Variants in NKAIN2 observed in about 807,000 individuals in gnomAD.
The protein encoded by NKAIN2 is sodium/potassium-transporting ATPase subunit beta-1-interacting protein 2.
A neutral mutation model predicts 32.6 loss-of-function variants in NKAIN2; 14 were observed. The ratio of observed to expected loss-of-function variants is 0.43; its 90% confidence interval spans 0.28 to 0.67. NKAIN2 has a LOEUF of 0.67. NKAIN2 is among the 30% of genes least tolerant of loss of function. The pLI is 0.17. For synonymous variants in NKAIN2, 80 were observed against 87.2 expected, an observed-to-expected ratio of 0.92 and a Z score of 0.46; for missense variants, 198 against 258.3, an observed-to-expected ratio of 0.77 and a Z score of 1.60.
chr6:124,482,493 A>AGT (rs753716392), intron 3 of NKAIN2, among the ~76,000 whole-genome samples: 326 of 152,332 alleles, frequency 2.1e-3, no homozygotes, highest in Non-Finnish European at 3.7e-3. Flanking sequence ...ACCCTATGTG[A>AGT]GTGTGTGTGT....
chr6:124,148,209 C>G (rs190029130), intron 1 of NKAIN2, among the ~76,000 whole-genome samples: 22 of 152,024 alleles, frequency 1.4e-4, no homozygotes, highest in Non-Finnish European at 3.1e-4. Context: ...AGAGTTTGCA[C>G]TTTTGTGATT....
At chr6:124,212,551 T>C (rs1166080291) in intron 1 of NKAIN2, among the ~76,000 whole-genome samples, 1 of 152,050 alleles carries the variant, frequency 6.6e-6, no homozygotes, top group Non-Finnish European at 1.5e-5. Flanking sequence ...TCAGTATCAA[T>C]GAAACAAGGA....
chr6:124,608,339 G>A (rs1554233722), intron 3 of NKAIN2, among the ~76,000 whole-genome samples: 1 of 152,126 alleles, frequency 6.6e-6, no homozygotes, highest in Non-Finnish European at 1.5e-5. Context: ...CACTCCATAA[G>A]TGTTTCATAA....
At chr6:124,261,472 A>G (rs967233889) in intron 1 of NKAIN2, among the ~76,000 whole-genome samples, 2 of 152,222 alleles carry the variant, frequency 1.3e-5, no homozygotes, top group South Asian at 2.1e-4. Flanking sequence ...GAAGTATCTT[A>G]GTAACAACCT....
chr6:124,131,423 A>G lies in NKAIN2; in HGVS notation c.55-151582A>G, dbSNP rs1582703921. ...CACTTGGCCAGACAGAACAGTGTAT[A>G]GAAATTCACACTGTGAACTTTGTTC... On this transcript the variant is annotated intron_variant, in intron 1 of 6. Coordinates refer to ENST00000368417, the MANE Select transcript of NKAIN2 (RefSeq NM_001040214.3). Among the ~76,000 whole-genome samples, 4 of 152,224 alleles carry G rather than the reference A, an allele frequency of 2.6e-5. No homozygotes were observed. The South Asian group carries it at 6.2e-4, about 24-fold the overall frequency.
intron 2 of NKAIN2, among the ~76,000 whole-genome samples, chr6:124,320,314 C>G (rs1317749390): frequency 6.6e-6 from 1 of 152,122 alleles, no homozygotes; most frequent in African/African-American, 2.4e-5. Flanking sequence ...TCATTGCAGT[C>G]TTGTTCCAAA....
intron 1 of NKAIN2, among the ~76,000 whole-genome samples, chr6:123,817,433 A>C (rs1773739768): frequency 6.6e-6 from 1 of 152,152 alleles, no homozygotes; most frequent in Admixed American, 6.5e-5. Flanking sequence ...AAAGAGCTGG[A>C]AAGAGCACTT....
chr6:123,989,419 A>G (rs6901490), intron 1 of NKAIN2, among the ~76,000 whole-genome samples: 66,092 of 152,066 alleles, frequency 0.43, 15,711 homozygotes, highest in African/African-American at 0.6. Flanking sequence ...TTCCATTTCC[A>G]TCTATTTATT....
chr6:124,319,128 A>G (rs1176282882), intron 2 of NKAIN2, among the ~76,000 whole-genome samples: 1 of 152,062 alleles, frequency 6.6e-6, no homozygotes, highest in Non-Finnish European at 1.5e-5. Flanking sequence ...CCCTAGAAGG[A>G]AGTAATAAGC....
chr6:123,812,227 A>G (rs893395761), intron 1 of NKAIN2, among the ~76,000 whole-genome samples: 3 of 152,210 alleles, frequency 2.0e-5, no homozygotes, highest in Admixed American at 2.0e-4. Flanking sequence ...TAGCATTTTC[A>G]GCAATACTTT....
At chr6:124,135,577 A>G (rs541118077) in intron 1 of NKAIN2, among the ~76,000 whole-genome samples, 24 of 151,992 alleles carry the variant, frequency 1.6e-4, no homozygotes, top group African/African-American at 4.6e-4. Context: ...TCCAACAAGA[A>G]AATACCACAA....
intron 4 of NKAIN2, among the ~76,000 whole-genome samples, chr6:124,674,161 A>G (rs1419613025): frequency 6.6e-6 from 1 of 151,962 alleles, no homozygotes; most frequent in African/African-American, 2.4e-5. Flanking sequence ...ATTTGACTGT[A>G]TATGCATAGG....
chr6:124,423,535 A>C (rs1438517722), intron 3 of NKAIN2, among the ~76,000 whole-genome samples: 1 of 152,240 alleles, frequency 6.6e-6, no homozygotes, highest in Non-Finnish European at 1.5e-5. Context: ...TAAAAAATTA[A>C]ACAGTGTTGT....
chr6:124,595,311 C>A (rs1319177213), intron 3 of NKAIN2, among the ~76,000 whole-genome samples: 2 of 152,196 alleles, frequency 1.3e-5, no homozygotes, highest in African/African-American at 2.4e-5. Context: ...ACTCACAGAT[C>A]TGAACTCTTC....
intron 2 of NKAIN2, among the ~76,000 whole-genome samples, chr6:124,313,943 T>C (rs1421923760): frequency 1.3e-5 from 2 of 152,120 alleles, no homozygotes; most frequent in African/African-American, 4.8e-5. Context: ...GGGCTCTCTT[T>C]GTGATTATCT....
intron 2 of NKAIN2, among the ~76,000 whole-genome samples, chr6:124,349,354 T>C (rs542242690): frequency 3.9e-4 from 60 of 152,186 alleles, no homozygotes; most frequent in African/African-American, 1.2e-3. Flanking sequence ...CACAGGCCGG[T>C]TGGGTATTCT....
rs182103560 is a variant in NKAIN2 at position 124,629,532 on chromosome 6, G to A, written c.274-28654G>A. ...GAGGAATAATTTATCGATGCACACA[G>A]GAGAAATATTGTTGTCTCTTTACGT... On this transcript the variant is annotated intron_variant, in intron 3 of 6. Coordinates refer to ENST00000368417, the MANE Select transcript of NKAIN2 (RefSeq NM_001040214.3). Among the ~76,000 whole-genome samples the A allele has an allele frequency of 6.6e-5, 10 of 152,276 alleles. No homozygotes were observed. The East Asian group carries it at 1.7e-3, about 26-fold the overall frequency.
chr6:124,587,226 G>A (rs1781742323), intron 3 of NKAIN2, among the ~76,000 whole-genome samples: 1 of 152,026 alleles, frequency 6.6e-6, no homozygotes, highest in South Asian at 2.1e-4. Flanking sequence ...GTAGAGGTAG[G>A]ATCCAAACTC....
At chr6:123,941,536 G>A (rs1030599877) in intron 1 of NKAIN2, among the ~76,000 whole-genome samples, 2 of 151,572 alleles carry the variant, frequency 1.3e-5, no homozygotes, top group East Asian at 1.9e-4. Flanking sequence ...ATAATCTTAC[G>A]AGATCACCAT....
Sources: gnomAD v4.1 joint callset for allele counts (sites outside exome capture counted in the v4.1 genomes callset) on GRCh38, gnomAD v4.1.1 for gene constraint, MANE v1.5 for transcripts, NCBI Gene and HGNC (gene_info 2026-07-23, HGNC 2026-07-21) for gene names.